The following MYO16 variants were observed in gnomAD, a reference collection of about 807,000 sequenced individuals.
MYO16 encodes myosin XVI.
MYO16 carries 94 observed loss-of-function variants against 205.3 expected under a neutral mutation model. That is an observed-to-expected ratio of 0.46 (90% CI 0.39 to 0.54). MYO16 has a LOEUF of 0.54. Ranked by LOEUF, MYO16 falls within the 20% of genes least tolerant of loss-of-function variation. The pLI, the probability that MYO16 is intolerant of heterozygous loss-of-function variation, is 0.00. For missense variants in MYO16, 2,315 were observed against 2,387.5 expected, an observed-to-expected ratio of 0.97 and a Z score of 0.63; for synonymous variants, 988 against 954.0, an observed-to-expected ratio of 1.04 and a Z score of -0.66.
At chr13:109,183,395 G>T (rs1879539365) in intron 34 of MYO16, among the ~76,000 whole-genome samples, 1 of 152,200 alleles carries the variant, frequency 6.6e-6, no homozygotes, top group African/African-American at 2.4e-5. Context: ...ATGGCCTGAA[G>T]GCAGAATGAT....
intron 2 of MYO16, among the ~76,000 whole-genome samples, chr13:108,707,097 A>T (rs1158516046): frequency 2.6e-5 from 4 of 152,132 alleles, no homozygotes; most frequent in Non-Finnish European, 5.9e-5. Context: ...CAATCACATA[A>T]GGTGTGATTG....
At chr13:109,131,894 G>A (rs562493374) in intron 31 of MYO16, among the ~76,000 whole-genome samples, 56 of 152,238 alleles carry the variant, frequency 3.7e-4, no homozygotes, top group Non-Finnish European at 5.4e-4. Context: ...CATTTCATGC[G>A]TGTGACTTTG....
At chr13:108,996,129 A>G (rs2139447413) in intron 21 of MYO16, among the ~76,000 whole-genome samples, 1 of 152,332 alleles carries the variant, frequency 6.6e-6, no homozygotes, top group South Asian at 2.1e-4. Context: ...AGACACATGC[A>G]CATGTATGTT....
At chr13:109,107,810 CATATTATATT>C (rs3042873) in intron 28 of MYO16, among the ~76,000 whole-genome samples, 5 of 141,388 alleles carry the variant, frequency 3.5e-5, no homozygotes, top group South Asian at 2.3e-4. Context: ...CATATATATT[CATATTATATT>C]ATATTATATT....
chr13:109,085,236 C>A (rs558280888), intron 27 of MYO16, among the ~76,000 whole-genome samples: 1 of 152,226 alleles, frequency 6.6e-6, no homozygotes, highest in East Asian at 1.9e-4. Context: ...TAAGCAAGAC[C>A]ACGCAACAAA....
At chr13:108,713,558 A>G (rs1045059767) in intron 3 of MYO16, among the ~76,000 whole-genome samples, 3 of 152,188 alleles carry the variant, frequency 2.0e-5, no homozygotes, top group African/African-American at 7.2e-5. Context: ...AGTTGAGCCC[A>G]CAAAGATTCT....
chr13:109,004,238 T>A (rs1257354070), intron 21 of MYO16, among the ~76,000 whole-genome samples: 1 of 152,142 alleles, frequency 6.6e-6, no homozygotes, highest in Non-Finnish European at 1.5e-5. Context: ...TTTTTAATAA[T>A]AAAAAACTTG....
chr13:108,574,675 G>GTGTGTA, the MYO16 span, among the ~76,000 whole-genome samples: 2 of 119,702 alleles, frequency 1.7e-5, no homozygotes, highest in Non-Finnish European at 3.7e-5. Flanking sequence ...CAATTTGTGT[G>GTGTGTA]TGTGTGTGTG....
intron 33 of MYO16, among the ~76,000 whole-genome samples, chr13:109,175,799 T>C (rs995706572): frequency 3.9e-5 from 6 of 152,110 alleles, no homozygotes; most frequent in African/African-American, 1.4e-4. Context: ...AAGAGCTCCA[T>C]CTTCACTTTA....
rs76756084 is a variant in MYO16 at position 108,709,921 on chromosome 13, A to G, written c.293-2740A>G. 4.3e-3 allele frequency among the ~76,000 whole-genome samples: 576 copies of G among 134,414 alleles called. 128 individuals carry two copies. The highest frequency in any genetic ancestry group is 0.015 in the African/African-American group (553 of 36,208). 88.2% of individuals were successfully genotyped at this position (134,414 alleles called of 152,430 possible). Reference sequence around the variant, plus strand: ...TTGATCATGCAAACAGCCCTCTCAAAAAAACTGTCCTATCTAGGACAAACA... The same window carrying G: ...TTGATCATGCAAACAGCCCTCTCAAGAAAACTGTCCTATCTAGGACAAACA... On this transcript the variant is annotated intron_variant, in intron 2 of 34. Coordinates refer to ENST00000457511, the MANE Select transcript of MYO16 (RefSeq NM_001198950.3).
rs537015615 is a variant in MYO16, at chr13:108,812,183, A to T, written c.867+5379A>T. Among the ~76,000 whole-genome samples the T allele has an allele frequency of 5.3e-5, 8 of 152,240 alleles. No individual in the cohort carries two copies. In the East Asian group the frequency reaches 9.7e-4, roughly 18 times the overall value. ...ACTGGCCGTCTTTCCTAATGCTCGG[A>T]ATTTGCATATGATGGTTCCTCTCCT... On this transcript the variant is annotated intron_variant, in intron 7 of 34. Coordinates refer to ENST00000457511, the MANE Select transcript of MYO16 (RefSeq NM_001198950.3).
chr13:108,903,986 T>G (rs1175152425), intron 15 of MYO16, among the ~76,000 whole-genome samples: 1 of 152,194 alleles, frequency 6.6e-6, no homozygotes, highest in African/African-American at 2.4e-5. Flanking sequence ...GTTACCATTT[T>G]ATTGGACAGG....
intron 1 of MYO16, among the ~76,000 whole-genome samples, chr13:108,619,655 A>G (rs1879470257): frequency 6.6e-6 from 1 of 152,140 alleles, no homozygotes; most frequent in Non-Finnish European, 1.5e-5. Context: ...GGCCAAGAAG[A>G]AAGGGGAAGG....
At chr13:108,957,549 A>G in intron 16 of MYO16, 139 bp from the exon 17 acceptor site, 1 of 582,774 alleles carries the variant, frequency 1.7e-6, no homozygotes. Flanking sequence ...GATGCACCAA[A>G]TGCTTTGAAA....
At chr13:109,131,221 A>G (rs1335978365) in intron 31 of MYO16, among the ~76,000 whole-genome samples, 2 of 152,222 alleles carry the variant, frequency 1.3e-5, no homozygotes, top group Non-Finnish European at 2.9e-5. Flanking sequence ...TTCCTTTACA[A>G]ATAAAGCTGC....
chr13:108,911,034 A>AACACACACAC (rs113296282), intron 16 of MYO16, among the ~76,000 whole-genome samples: 4,100 of 138,414 alleles, frequency 0.03, 117 homozygotes, highest in African/African-American at 0.07. Context: ...TATAGGAGAA[A>AACACACACAC]ACACACACAC....
chr13:109,093,947 A>G (rs1310778443), intron 27 of MYO16, among the ~76,000 whole-genome samples: 1 of 152,114 alleles, frequency 6.6e-6, no homozygotes, highest in Non-Finnish European at 1.5e-5. Context: ...AGGTCCTGAC[A>G]GTCACCTACA....
At chr13:108,539,906 C>A in the MYO16 span, among the ~76,000 whole-genome samples, 1 of 152,048 alleles carries the variant, frequency 6.6e-6, no homozygotes, top group East Asian at 1.9e-4. Context: ...TGGCTCTACA[C>A]TGGCACAATT....
intron 20 of MYO16, among the ~76,000 whole-genome samples, chr13:108,968,907 G>A (rs1452828926): frequency 2.0e-5 from 3 of 152,144 alleles, no homozygotes; most frequent in Non-Finnish European, 2.9e-5. Context: ...AGACTCTGAG[G>A]GAATAAGTTG....
Sources: allele counts gnomAD v4.1 joint callset (sites outside exome capture counted in the v4.1 genomes callset), GRCh38; gene constraint gnomAD v4.1.1; transcripts MANE v1.5; gene names NCBI Gene and HGNC (gene_info 2026-07-23, HGNC 2026-07-21).